CTNND1: variants seen among roughly 807,000 people sequenced by gnomAD.
The protein encoded by CTNND1 is catenin delta-1.
CTNND1 carries 16 observed loss-of-function variants against 112.1 expected under a neutral mutation model. That is an observed-to-expected ratio of 0.14 (90% CI 0.10 to 0.22). The LOEUF (loss-of-function observed/expected upper bound fraction) is 0.22. Among genes scored for constraint, CTNND1 ranks in the 10% least tolerant of loss-of-function variants. The pLI, the probability that CTNND1 is intolerant of heterozygous loss-of-function variation, is 1.00. For synonymous variants in CTNND1, 420 were observed against 446.5 expected (o/e 0.94, Z 0.75); for missense variants, 1,008 against 1,257.0 (o/e 0.80, Z 3.00).
chr11:57,784,882 C>A (rs945332688), intron 1 of CTNND1, among the ~76,000 whole-genome samples: 2 of 152,070 alleles, frequency 1.3e-5, no homozygotes, highest in African/African-American at 2.4e-5. Flanking sequence ...GCTCTGAAGA[C>A]AAAATTATTT....
In CTNND1 at chr11:57,791,452, C is replaced by T. The variant is rs1389093903; in HGVS notation, c.-27C>T. The T allele has an allele frequency of 1.5e-5, 21 of 1,427,576 alleles. No individual in the cohort carries two copies. The highest frequency in any genetic ancestry group is 1.9e-5 in the Non-Finnish European group (21 of 1,083,560). The allele number at this position is 1,427,576 out of a possible 1,614,324, so 88.4% of individuals were successfully genotyped here. A position where few individuals can be genotyped will look rare whatever the true frequency, so the allele number is the denominator to read the frequency against. On this transcript the variant is annotated 5_prime_UTR_variant, in exon 3 of 21. Transcript: ENST00000399050. The stretch of plus-strand genomic sequence containing the variant: ...TGATTCACCTTCCTTTTTACCCTGC[C>T]CTGCGGCGGCTCCGCCCCTTACCTT...
In CTNND1 at chr11:57,808,412, C is replaced by T; in HGVS notation, c.2114C>T (p.Ala705Val). The change falls in exon 14 of 21, where the codon GCT becomes GTT. Residue 705 changes from alanine to valine, a missense_variant. By Grantham distance (64) the Ala-to-Val change is moderately conservative (BLOSUM62 0). This residue lies in a region of CTNND1 where 254 missense variants were observed against 279.5 expected (regional missense o/e 0.91). Coordinates refer to ENST00000399050, the MANE Select transcript of CTNND1 (RefSeq NM_001085458.2). ...TAGTATGGTCGATACATCCGCTCTGCTCTGCGTCAAGAGAAGGCTCTTTCT... is the reference window on the plus strand; with the variant it reads ...TAGTATGGTCGATACATCCGCTCTGTTCTGCGTCAAGAGAAGGCTCTTTCT... ...RWTYGRYIRS[A>V]LRQEKALSAI... 1.2e-6 allele frequency: 2 copies of T among 1,611,488 alleles called. No individual in the cohort carries two copies. The highest frequency in any genetic ancestry group is 1.1e-5 in the South Asian group (1 of 90,730).
intron 6 of CTNND1, among the ~76,000 whole-genome samples, chr11:57,801,446 T>A (rs1328519131): frequency 6.6e-6 from 1 of 152,246 alleles, no homozygotes; most frequent in Non-Finnish European, 1.5e-5. Context: ...TTTGGTTCTT[T>A]CTTTTTGATT....
chr11:57,784,092 T>C lies in CTNND1; in HGVS notation c.-213-4945T>C, dbSNP rs183134993. ...CACCACCATGCCCAGTTAATTTTTG[T>C]AATTTTTTTGTAGAGGTGGGGTTTT... is the stretch of plus-strand genomic sequence containing the variant. On this transcript the variant is annotated intron_variant, in intron 1 of 20. Coordinates refer to ENST00000399050, the MANE Select transcript of CTNND1 (RefSeq NM_001085458.2). Among the ~76,000 whole-genome samples, 5 of 151,850 alleles carry C rather than the reference T, an allele frequency of 3.3e-5. No homozygotes were observed. The East Asian group carries it at 9.9e-4, about 30-fold the overall frequency.
In CTNND1 at chr11:57,803,823, A is replaced by G; in HGVS notation, c.1604+19A>G. ...GCCTTAGGTAACAGTAGGGACTTTG[A>G]GAATATGAAGATGAATTTTTGAGGA... is the stretch of plus-strand genomic sequence containing the variant. On this transcript the variant is annotated intron_variant, in intron 8 of 20. Transcript: ENST00000399050. The G allele has an allele frequency of 3.9e-6, 6 of 1,523,076 alleles. No individual in the cohort carries two copies. Among genetic ancestry groups the G allele is most frequent in the Non-Finnish European group, 5.3e-6 (6 of 1,134,104 alleles). 94.3% of individuals were successfully genotyped at this position (1,523,076 alleles called of 1,614,324 possible).
At chr11:57,794,740 A>G (rs2061164682) in intron 4 of CTNND1, among the ~76,000 whole-genome samples, 1 of 151,226 alleles carries the variant, frequency 6.6e-6, no homozygotes, top group Non-Finnish European at 1.5e-5. Flanking sequence ...AGCTGAGATC[A>G]TGCCATTGTA....
chr11:57,817,640 A>G lies in CTNND1; in HGVS notation c.*1332A>G, dbSNP rs960250933. The G allele has an allele frequency of 6.6e-6, 1 of 152,548 alleles. No individual in the cohort carries two copies. The highest frequency in any genetic ancestry group is 2.4e-5 in the African/African-American group (1 of 41,408). 9.4% of individuals were successfully genotyped at this position (152,548 alleles called of 1,614,324 possible). On this transcript the variant is annotated 3_prime_UTR_variant, in exon 21 of 21. Coordinates refer to ENST00000399050, the MANE Select transcript of CTNND1 (RefSeq NM_001085458.2). ...TTTTGCAAAAATCCTATTCTGATGA[A>G]TCTCAAAGTAAGGCTGGTAAGAGAA...
At chr11:57,765,097 TTTC>T (rs1486472019) in intron 1 of CTNND1, among the ~76,000 whole-genome samples, 2 of 152,206 alleles carry the variant, frequency 1.3e-5, no homozygotes, top group African/African-American at 2.4e-5. Context: ...ATCAGTAAAA[TTTC>T]TTCTTCCAGA....
rs1200428193 is a variant in CTNND1 at position 57,803,779 on chromosome 11, C to G, written c.1579C>G (p.Leu527Val). The G allele has an allele frequency of 6.2e-7, 1 of 1,609,812 alleles. No individual in the cohort carries two copies. Among genetic ancestry groups the G allele is most frequent in the Admixed American group, 1.7e-5 (1 of 59,368 alleles). ...ACGCCACATTGAGTGGGAATCGGTG[C>G]TCACCAACACAGCTGGCTGCCTTAG... ...KPRHIEWESV[L>V]TNTAGCLRNV... Residue 527 changes from leucine (L) to valine (V), a missense_variant, in exon 8 of 21, where the codon CTC (leucine) becomes GTC (valine). Physicochemically the swap from Leu to Val is conservative, Grantham distance 32 (BLOSUM62 1). Around this residue, in one of 5 missense-constraint regions of CTNND1, gnomAD observed 216 missense variants for 342.8 expected, o/e 0.63. Coordinates refer to ENST00000399050, the MANE Select transcript of CTNND1 (RefSeq NM_001085458.2).
chr11:57,804,983 C>T (rs2062466141), intron 9 of CTNND1, among the ~76,000 whole-genome samples: 1 of 152,040 alleles, frequency 6.6e-6, no homozygotes, highest in Non-Finnish European at 1.5e-5. Context: ...ACTGCAACTT[C>T]TGCTTCCTGG....
intron 1 of CTNND1, among the ~76,000 whole-genome samples, chr11:57,774,362 A>G (rs1953612086): frequency 6.6e-6 from 1 of 152,188 alleles, no homozygotes; most frequent in Non-Finnish European, 1.5e-5. Context: ...GTGTTCTCCA[A>G]TCTGCAGTGT....
At chr11:57,804,387 A>G (rs2062388249) in intron 8 of CTNND1, among the ~76,000 whole-genome samples, 1 of 152,148 alleles carries the variant, frequency 6.6e-6, no homozygotes, top group South Asian at 2.1e-4. Context: ...GTTCCATTCT[A>G]CATATGTATT....
intron 12 of CTNND1, among the ~76,000 whole-genome samples, chr11:57,807,192 T>C (rs1268244380): frequency 1.3e-5 from 2 of 152,214 alleles, no homozygotes; most frequent in Non-Finnish European, 2.9e-5. Context: ...TTATTCAGGT[T>C]ACTTGAGGAT....
At chr11:57,769,597 T>G (rs954229712) in intron 1 of CTNND1, among the ~76,000 whole-genome samples, 1 of 152,206 alleles carries the variant, frequency 6.6e-6, no homozygotes, top group Non-Finnish European at 1.5e-5. Flanking sequence ...TTTGTCTCTC[T>G]TTGCCTCCTC....
intron 12 of CTNND1, 150 bp from the exon 13 acceptor site, chr11:57,808,015 G>A (rs1019058495): frequency 1.4e-6 from 1 of 730,892 alleles, no homozygotes; most frequent in African/African-American, 1.8e-5. Flanking sequence ...CTCTAAGTTT[G>A]CTGTAGAGAG....
chr11:57,803,643 C>G lies in CTNND1; in HGVS notation c.1443C>G (p.Ser481=). ...CAGGAACCCTGTGGAATCTTTCATC[C>G]CATGACTCAATCAAAATGGAGATTG... is the stretch of plus-strand genomic sequence containing the variant. ...VITGTLWNLS[S]HDSIKMEIVD... The change falls in exon 8 of 21, where the codon TCC becomes TCG. Residue 481 remains serine, a synonymous_variant. Transcript: ENST00000399050. 6.2e-7 allele frequency: 1 copy of G among 1,612,038 alleles called. No individual in the cohort carries two copies. The highest frequency in any genetic ancestry group is 1.1e-5 in the South Asian group (1 of 90,674).
chr11:57,814,479 C>A, intron 18 of CTNND1, 106 bp downstream of exon 18: 1 of 759,870 alleles, frequency 1.3e-6, no homozygotes, highest in Non-Finnish European at 2.2e-6. Flanking sequence ...ATTTACCATC[C>A]TGGGAGAGCA....
Position 57,814,293 on chromosome 11 carries a change from C to A in CTNND1, c.2639-18C>A. On this transcript the variant is annotated intron_variant, in intron 17 of 20. Coordinates refer to ENST00000399050, the MANE Select transcript of CTNND1 (RefSeq NM_001085458.2). The stretch of plus-strand genomic sequence containing the variant: ...GAAGAATTGTTTTTGACATGGATAA[C>A]TTTCTGACTTCATACAGATAAGAAA... 2 of 1,599,002 alleles carry A rather than the reference C, an allele frequency of 1.3e-6. No homozygotes were observed. Among genetic ancestry groups the A allele is most frequent in the Non-Finnish European group, 1.7e-6 (2 of 1,168,756 alleles).
intron 1 of CTNND1, among the ~76,000 whole-genome samples, chr11:57,773,521 G>C (rs1386898565): frequency 6.6e-6 from 1 of 150,456 alleles, no homozygotes; most frequent in Non-Finnish European, 1.5e-5. Context: ...GCACGACCTC[G>C]GCTCACTGCA....
Sources: gnomAD v4.1 joint callset for allele counts (sites outside exome capture counted in the v4.1 genomes callset) on GRCh38, gnomAD v4.1.1 for gene constraint, gnomAD v4.1.1 regional missense constraint, MANE v1.5 for transcripts, NCBI Gene and HGNC (gene_info 2026-07-23, HGNC 2026-07-21) for gene names.